RARB: variants seen among roughly 807,000 people sequenced by gnomAD.
RARB encodes the protein HBV-activated protein.
A neutral mutation model predicts 51.9 loss-of-function variants in RARB; 17 were observed. The ratio of observed to expected loss-of-function variants is 0.33; its 90% CI spans 0.22 to 0.49. The LOEUF is 0.49. Ranked by LOEUF, RARB falls within the 20% of genes least tolerant of loss-of-function variation. The pLI, the probability that RARB is intolerant of heterozygous loss-of-function variation, is 0.99. For missense variants in RARB, 369 were observed against 550.8 expected (o/e 0.67, Z 3.30); for synonymous variants, 215 against 195.4 (o/e 1.10, Z -0.84).
chr3:24,834,594 A>G (rs1702318834), intron 1 of RARB, among the ~76,000 whole-genome samples: 2 of 152,238 alleles, frequency 1.3e-5, no homozygotes, highest in South Asian at 2.1e-4. Flanking sequence ...TATGTGGTAC[A>G]TCTGAGACGT....
intron 2 of RARB, among the ~76,000 whole-genome samples, chr3:24,952,336 T>G (rs1695912579): frequency 6.6e-6 from 1 of 152,188 alleles, no homozygotes; most frequent in African/African-American, 2.4e-5. Context: ...TGAAGGAATT[T>G]ACCCCCAACT....
chr3:25,537,462 T>TC, intron 3 of RARB, among the ~76,000 whole-genome samples: 1 of 152,312 alleles, frequency 6.6e-6, no homozygotes, highest in Admixed American at 6.5e-5. Context: ...TAGTCTACAT[T>TC]CGCAATACTA....
intron 3 of RARB, among the ~76,000 whole-genome samples, chr3:25,543,471 C>T (rs1343996676): frequency 2.0e-5 from 3 of 152,160 alleles, no homozygotes; most frequent in African/African-American, 7.2e-5. Flanking sequence ...GATGGCCCTT[C>T]CATGAGTGCC....
intron 1 of RARB, 35 bp from the exon 2 acceptor site, chr3:25,461,158 C>G: frequency 6.6e-7 from 1 of 1,504,484 alleles, no homozygotes. Context: ...AATACATTTT[C>G]TCTTTTTTCT....
chr3:25,528,715 G>A (rs141144446), intron 3 of RARB, among the ~76,000 whole-genome samples: 85 of 146,812 alleles, frequency 5.8e-4, no homozygotes, highest in African/African-American at 2.2e-3. Flanking sequence ...GGAGGGTAGA[G>A]ATGGCTGCCT....
At chr3:25,104,785 C>T (rs1020557305) in intron 3 of RARB, among the ~76,000 whole-genome samples, 3 of 152,202 alleles carry the variant, frequency 2.0e-5, no homozygotes, top group Admixed American at 6.5e-5. Flanking sequence ...TGAGAATGAA[C>T]AATGTGTAAC....
At chr3:25,534,780 C>A (rs1699070005) in intron 3 of RARB, among the ~76,000 whole-genome samples, 1 of 152,136 alleles carries the variant, frequency 6.6e-6, no homozygotes, top group Admixed American at 6.5e-5. Flanking sequence ...CCTAAGCCAT[C>A]ATCTTTAACT....
intron 1 of RARB, among the ~76,000 whole-genome samples, chr3:24,836,838 T>C (rs1287000571): frequency 1.3e-5 from 2 of 152,236 alleles, no homozygotes; most frequent in Admixed American, 6.5e-5. Flanking sequence ...AATTAGAGAA[T>C]GTGAATAACG....
chr3:25,277,693 A>G (rs1038538341), intron 5 of RARB, among the ~76,000 whole-genome samples: 4 of 152,202 alleles, frequency 2.6e-5, no homozygotes, highest in African/African-American at 9.6e-5. Flanking sequence ...AGTTTGGTTT[A>G]CTTTTTGCTT....
At chr3:24,897,287 T>C (rs946332654) in intron 2 of RARB, among the ~76,000 whole-genome samples, 6 of 152,130 alleles carry the variant, frequency 3.9e-5, no homozygotes, top group Admixed American at 1.3e-4. Flanking sequence ...AAAATAAATA[T>C]AAGGAGTAAA....
intron 2 of RARB, among the ~76,000 whole-genome samples, chr3:25,482,548 T>A (rs1696276070): frequency 7.9e-6 from 1 of 126,818 alleles, no homozygotes; most frequent in South Asian, 2.8e-4. Context: ...TTTTTTTTTT[T>A]TTTTTTTTTG....
chr3:24,901,378 C>G (rs576610240), intron 2 of RARB, among the ~76,000 whole-genome samples: 1 of 152,178 alleles, frequency 6.6e-6, no homozygotes, highest in Non-Finnish European at 1.5e-5. Flanking sequence ...GAACAAACCC[C>G]AAACCTATAT....
chr3:25,519,465 G>C (rs1019888975), intron 3 of RARB, among the ~76,000 whole-genome samples: 2 of 152,038 alleles, frequency 1.3e-5, no homozygotes, highest in Admixed American at 1.3e-4. Flanking sequence ...GATCCTCCTG[G>C]GTCTGAAGTG....
chr3:25,167,168 A>C (rs1700573856), intron 4 of RARB, among the ~76,000 whole-genome samples: 2 of 152,218 alleles, frequency 1.3e-5, no homozygotes, highest in South Asian at 4.1e-4. Context: ...GTAGAGCTGA[A>C]AAGGTTAAGG....
chr3:24,943,567 G>A (rs1484250588), intron 2 of RARB, among the ~76,000 whole-genome samples: 1 of 152,196 alleles, frequency 6.6e-6, no homozygotes, highest in African/African-American at 2.4e-5. Flanking sequence ...ATTCTAGCTT[G>A]AGTTAGTGCT....
At chr3:24,881,817 A>G (rs992425851) in intron 2 of RARB, among the ~76,000 whole-genome samples, 13 of 152,170 alleles carry the variant, frequency 8.5e-5, no homozygotes, top group African/African-American at 3.1e-4. Context: ...GACTGCTGAA[A>G]ATAATCAAAT....
intron 5 of RARB, among the ~76,000 whole-genome samples, chr3:25,275,714 A>C (rs1575276839): frequency 6.6e-6 from 1 of 150,902 alleles, no homozygotes; most frequent in East Asian, 2.0e-4. Context: ...CTTAATAAAG[A>C]CTTGTTCAAA....
At chr3:25,507,619 G>T (rs1153585) in intron 3 of RARB, among the ~76,000 whole-genome samples, 140,698 of 152,226 alleles carry the variant, frequency 0.92, 65,157 homozygotes, top group Middle Eastern at 0.98. Context: ...GTGTCTTGGG[G>T]AGTTGTGCAT....
chr3:25,316,704 A>G (rs563523834), intron 5 of RARB, among the ~76,000 whole-genome samples: 1 of 152,320 alleles, frequency 6.6e-6, no homozygotes, highest in South Asian at 2.1e-4. Flanking sequence ...CAGTAAAAGG[A>G]AAAGACGTAG....
Sources: allele counts gnomAD v4.1 joint callset (sites outside exome capture counted in the v4.1 genomes callset), GRCh38; gene constraint gnomAD v4.1.1; transcripts MANE v1.5; gene names NCBI Gene and HGNC (gene_info 2026-07-23, HGNC 2026-07-21).